GAB1: variants seen among roughly 807,000 people sequenced by gnomAD.
GAB1 encodes GRB2 associated binding protein 1.
GAB1 carries 19 observed loss-of-function variants against 66.5 expected under a neutral mutation model. The observed-to-expected ratio is 0.29, with a 90% CI of 0.20 to 0.42. GAB1 has a LOEUF of 0.42. Ranked by LOEUF, GAB1 falls within the 10% of genes least tolerant of loss-of-function variation. The pLI, the probability that GAB1 is intolerant of heterozygous loss-of-function variation, is 1.00. For missense variants in GAB1, 732 were observed against 858.5 expected, an observed-to-expected ratio of 0.85 and a Z score of 1.84; for synonymous variants, 294 against 301.4, an observed-to-expected ratio of 0.98 and a Z score of 0.25.
At chr4:143,449,299 A>G (rs1198054210) in intron 6 of GAB1, among the ~76,000 whole-genome samples, 4 of 151,732 alleles carry the variant, frequency 2.6e-5, no homozygotes, top group Admixed American at 6.6e-5. Flanking sequence ...GTAGATGTCT[A>G]TTAGGTCCGC....
At chr4:143,440,862 G>C (rs1489715371) in intron 6 of GAB1, among the ~76,000 whole-genome samples, 3 of 152,156 alleles carry the variant, frequency 2.0e-5, no homozygotes, top group Non-Finnish European at 2.9e-5. Context: ...AGAAAACATT[G>C]CAGGCCAACC....
rs534953872 is a variant in GAB1 at position 143,471,787 on chromosome 4, A to C, written c.*2598A>C. The C allele has an allele frequency of 7.9e-5, 12 of 152,332 alleles. No homozygotes were observed. In the South Asian group the frequency reaches 2.5e-3, roughly 32 times the overall value. The allele number at this position is 152,332 out of a possible 1,614,324, so 9.4% of individuals were successfully genotyped here. A position where few individuals can be genotyped will look rare whatever the true frequency, so the allele number is the denominator to read the frequency against. On this transcript the variant is annotated 3_prime_UTR_variant, in exon 10 of 10. Coordinates refer to ENST00000262994, the MANE Select transcript of GAB1 (RefSeq NM_002039.4). ...CAAAAATAAGTTATCCTGGTAGTGG[A>C]AGTTAATACATAAGCAGTCTCCAGT...
At chr4:143,413,857 GTCT>G (rs1300919057) in intron 1 of GAB1, among the ~76,000 whole-genome samples, 2 of 97,512 alleles carry the variant, frequency 2.1e-5, no homozygotes, top group Admixed American at 9.9e-5. Context: ...TTGAGGAGGA[GTCT>G]TCTTCTGTCC....
intron 3 of GAB1, among the ~76,000 whole-genome samples, 194 bp downstream of exon 3, chr4:143,433,910 C>T (rs555757210): frequency 7.9e-5 from 12 of 152,294 alleles, no homozygotes; most frequent in South Asian, 4.2e-4. Flanking sequence ...GAGATTGTAT[C>T]GAAGAGACAC....
chr4:143,379,069 A>C (rs1730547757), intron 1 of GAB1, among the ~76,000 whole-genome samples: 1 of 151,978 alleles, frequency 6.6e-6, no homozygotes, highest in Non-Finnish European at 1.5e-5. Context: ...AAAAAGGGGG[A>C]CTCAGTGGCC....
intron 1 of GAB1, chr4:143,350,065 C>T: frequency 1.3e-6 from 2 of 1,482,362 alleles, no homozygotes; most frequent in Non-Finnish European, 1.8e-6. Flanking sequence ...GTTCCCCATC[C>T]CAGGGCCACC....
intron 2 of GAB1, among the ~76,000 whole-genome samples, chr4:143,418,908 G>T (rs1016699124): frequency 2.6e-5 from 4 of 152,154 alleles, no homozygotes; most frequent in Non-Finnish European, 5.9e-5. Context: ...ACCTTAGGAT[G>T]ATTCTTATCA....
chr4:143,372,127 C>T (rs1373085057), intron 1 of GAB1, among the ~76,000 whole-genome samples: 1 of 151,874 alleles, frequency 6.6e-6, no homozygotes, highest in Non-Finnish European at 1.5e-5. Context: ...GAGTTCAAGA[C>T]CAGCCTGGCC....
rs1229057280 is a variant in GAB1, at chr4:143,440,281, T to C, written c.1484T>C (p.Met495Thr). 3.7e-6 allele frequency: 6 copies of C among 1,614,154 alleles called. No individual in the cohort carries two copies. Among genetic ancestry groups the C allele is most frequent in the East Asian group, 2.2e-5 (1 of 44,876 alleles). Residue 495 changes from methionine to threonine, a missense_variant, in exon 6 of 10, where the codon ATG becomes ACG. Transcript: ENST00000262994. Reference protein sequence around the residue: ...FGMQVPPPAHMGFRSSPKTPP... With the variant: ...FGMQVPPPAHTGFRSSPKTPP... ...ATGCAAGTTCCTCCTCCTGCTCATA[T>C]GGGCTTCAGGTCCAGCCCAAAAACC... is the stretch of plus-strand genomic sequence containing the variant.
Position 143,469,251 on chromosome 4 carries a change from A to T in GAB1, c.*62A>T, listed in dbSNP as rs774962340. On this transcript the variant is annotated 3_prime_UTR_variant, in exon 10 of 10. Transcript: ENST00000262994. ...GAATTGTAAAGATAAATCCCTTTTGAAGAATGACTTGACACTTCCACTCTA... is the reference window on the plus strand; with the variant it reads ...GAATTGTAAAGATAAATCCCTTTTGTAGAATGACTTGACACTTCCACTCTA... 3 of 1,537,954 alleles carry T rather than the reference A, an allele frequency of 2.0e-6. No homozygotes were observed. In the African/African-American group the frequency reaches 4.1e-5, roughly 21 times the overall value.
intron 1 of GAB1, among the ~76,000 whole-genome samples, chr4:143,363,066 C>T (rs1210427206): frequency 1.3e-5 from 2 of 152,206 alleles, no homozygotes; most frequent in Admixed American, 1.3e-4. Flanking sequence ...AGTAACTTCC[C>T]AAAATCACAC....
At chr4:143,458,757 CT>C (rs1735331202) in intron 6 of GAB1, among the ~76,000 whole-genome samples, 1 of 151,982 alleles carries the variant, frequency 6.6e-6, no homozygotes, top group South Asian at 2.1e-4. Flanking sequence ...TTAAATTACA[CT>C]AACAATTTGA....
At chr4:143,392,057 G>A (rs1399695438) in intron 1 of GAB1, among the ~76,000 whole-genome samples, 1 of 152,148 alleles carries the variant, frequency 6.6e-6, no homozygotes, top group African/African-American at 2.4e-5. Context: ...TACACTACAT[G>A]CTTTTGTGTG....
intron 1 of GAB1, among the ~76,000 whole-genome samples, chr4:143,378,342 G>A (rs1279007455): frequency 6.6e-6 from 1 of 152,154 alleles, no homozygotes; most frequent in Non-Finnish European, 1.5e-5. Flanking sequence ...TTAATGTCAT[G>A]GGGATAGTTG....
rs576946295 is a variant in GAB1, at chr4:143,412,882, T to G, written c.73-2595T>G. 2.6e-5 allele frequency among the ~76,000 whole-genome samples: 4 copies of G among 152,262 alleles called. No individual in the cohort carries two copies. In the South Asian group the frequency reaches 8.3e-4, roughly 32 times the overall value. ...AAGACAGGAAACTGTATTTAAAAGA[T>G]GAACTATACAAGCATAGCAATATGG... On this transcript the variant is annotated intron_variant, in intron 1 of 9. Transcript: ENST00000262994.
At chr4:143,458,488 A>G (rs1414856581) in intron 6 of GAB1, among the ~76,000 whole-genome samples, 1 of 152,078 alleles carries the variant, frequency 6.6e-6, no homozygotes, top group African/African-American at 2.4e-5. Flanking sequence ...AGAATGAAAC[A>G]TAACTGAAAT....
chr4:143,419,573 T>G (rs549392587), intron 2 of GAB1, among the ~76,000 whole-genome samples: 112 of 152,260 alleles, frequency 7.4e-4, no homozygotes, highest in African/African-American at 2.5e-3. Context: ...AGTCTGTGAG[T>G]TGGCTACCAA....
intron 2 of GAB1, among the ~76,000 whole-genome samples, chr4:143,431,628 A>G (rs1354235752): frequency 6.6e-6 from 1 of 152,210 alleles, no homozygotes; most frequent in Non-Finnish European, 1.5e-5. Flanking sequence ...ATAAACAAAT[A>G]GCAAAAGTCA....
chr4:143,437,850 A>G, intron 3 of GAB1, 149 bp from the exon 4 acceptor site: 1 of 775,848 alleles, frequency 1.3e-6, no homozygotes. Context: ...TAAAGGCTAA[A>G]GAACATTTGT....
Sources: allele counts gnomAD v4.1 joint callset (sites outside exome capture counted in the v4.1 genomes callset), GRCh38; gene constraint gnomAD v4.1.1; transcripts MANE v1.5; gene names NCBI Gene and HGNC (gene_info 2026-07-23, HGNC 2026-07-21).